The following REPS1 variants were observed in gnomAD, a reference collection of about 807,000 sequenced individuals.
REPS1 encodes the protein RALBP1 associated Eps domain containing 1.
A neutral mutation model predicts 100.9 loss-of-function variants in REPS1; 39 were observed. The ratio of observed to expected loss-of-function variants is 0.39; its 90% CI spans 0.30 to 0.50. REPS1 has a LOEUF of 0.50. Among genes scored for constraint, REPS1 ranks in the 20% least tolerant of loss-of-function variants. The pLI is 0.86. For missense variants in REPS1, 821 were observed against 968.5 expected (o/e 0.85, Z 2.02); for synonymous variants, 324 against 340.3 (o/e 0.95, Z 0.53).
chr6:138,905,532 C>T (rs1779585078), intron 19 of REPS1, among the ~76,000 whole-genome samples: 1 of 151,166 alleles, frequency 6.6e-6, no homozygotes, highest in African/African-American at 2.4e-5. Context: ...ACCTCATGAT[C>T]CACCCGCCTC....
chr6:138,959,069 C>T (rs944378103), intron 1 of REPS1, among the ~76,000 whole-genome samples: 31 of 152,158 alleles, frequency 2.0e-4, no homozygotes, highest in African/African-American at 5.8e-4. Context: ...TTTCTTCTTC[C>T]ACCATGACAT....
intron 1 of REPS1, among the ~76,000 whole-genome samples, chr6:138,976,133 T>G (rs563562489): frequency 2.6e-5 from 4 of 152,192 alleles, no homozygotes; most frequent in Non-Finnish European, 4.4e-5. Flanking sequence ...AATAAACACT[T>G]TGAAGTCAAA....
chr6:138,954,190 G>C (rs1237056913), intron 1 of REPS1, among the ~76,000 whole-genome samples: 2 of 151,940 alleles, frequency 1.3e-5, no homozygotes, highest in Non-Finnish European at 2.9e-5. Flanking sequence ...GTAGACAAAG[G>C]GAGGAATAAG....
chr6:138,980,909 C>A (rs1299082789), intron 1 of REPS1, among the ~76,000 whole-genome samples: 1 of 152,110 alleles, frequency 6.6e-6, no homozygotes, highest in African/African-American at 2.4e-5. Flanking sequence ...GATCCTTCAC[C>A]ACTGCATGTA....
In REPS1 at chr6:138,930,026, G is replaced by A. The variant is rs1356071542; in HGVS notation, c.1208C>T (p.Ser403Leu). 3.1e-6 allele frequency: 5 copies of A among 1,613,668 alleles called. No individual in the cohort carries two copies. The highest frequency in any genetic ancestry group is 3.4e-6 in the Non-Finnish European group (4 of 1,179,694). Reference protein sequence around the residue: ...PAEAPPSKSPSMPSLNQTWPE... With the variant: ...PAEAPPSKSPLMPSLNQTWPE... Reference sequence around the variant, plus strand: ...CCATGTCTGGTTTAGTGATGGCATCGATGGTGACTTGCTTGGAGGAGCTTC... The same window carrying A: ...CCATGTCTGGTTTAGTGATGGCATCAATGGTGACTTGCTTGGAGGAGCTTC... The change falls in exon 9 of 20, where the codon TCG becomes TTG. Residue 403 changes from serine (S) to leucine (L), a missense_variant. By Grantham distance (145) the Ser-to-Leu change is moderately radical (BLOSUM62 -2). This residue lies in a region of REPS1 where 757 missense variants were observed against 866.4 expected (regional missense o/e 0.87). Coordinates refer to ENST00000450536, the MANE Select transcript of REPS1 (RefSeq NM_001286611.2).
At chr6:138,939,470 G>T (rs945455355) in intron 8 of REPS1, among the ~76,000 whole-genome samples, 15 of 152,012 alleles carry the variant, frequency 9.9e-5, no homozygotes, top group African/African-American at 3.6e-4. Context: ...AATTTACAAA[G>T]AACTTGTTTT....
chr6:138,944,757 T>C, intron 4 of REPS1, 135 bp from the exon 5 acceptor site: 1 of 747,072 alleles, frequency 1.3e-6, no homozygotes, highest in African/African-American at 1.8e-5. Flanking sequence ...TTAGAAATTA[T>C]ACCTCATTTA....
chr6:138,950,829 A>G (rs1782968154), intron 1 of REPS1, among the ~76,000 whole-genome samples: 2 of 152,172 alleles, frequency 1.3e-5, no homozygotes, highest in African/African-American at 4.8e-5. Flanking sequence ...AAACTTTAAC[A>G]AGATCATTTC....
intron 4 of REPS1, 135 bp downstream of exon 4, chr6:138,945,084 T>C: frequency 1.2e-5 from 8 of 667,004 alleles, no homozygotes; most frequent in Non-Finnish European, 1.8e-5. Context: ...AAAAAATCTC[T>C]AAGCCAGGTT....
intron 1 of REPS1, among the ~76,000 whole-genome samples, chr6:138,974,283 C>T (rs749689736): frequency 1.1e-4 from 17 of 152,054 alleles, no homozygotes; most frequent in Non-Finnish European, 2.4e-4. Context: ...TCTTGAATAT[C>T]GTAAGAGCAT....
chr6:138,921,500 A>G (rs1240749753), intron 10 of REPS1, among the ~76,000 whole-genome samples: 1 of 151,954 alleles, frequency 6.6e-6, no homozygotes, highest in East Asian at 1.9e-4. Context: ...AAAAAATATA[A>G]AAACGATCTG....
chr6:138,981,984 T>C (rs762425738), intron 1 of REPS1, among the ~76,000 whole-genome samples: 1 of 152,158 alleles, frequency 6.6e-6, no homozygotes, highest in Non-Finnish European at 1.5e-5. Context: ...AGTAAATAAA[T>C]AGGACACTAC....
intron 10 of REPS1, among the ~76,000 whole-genome samples, chr6:138,921,546 G>A (rs778819897): frequency 6.7e-6 from 1 of 150,224 alleles, no homozygotes; most frequent in Non-Finnish European, 1.5e-5. Context: ...AGCTACTCGG[G>A]GATGCTTAGG....
chr6:138,911,060 C>T (rs1008179259), intron 17 of REPS1: 2 of 434,562 alleles, frequency 4.6e-6, no homozygotes, highest in Non-Finnish European at 8.2e-6. Context: ...AATGCAATAA[C>T]CACTTAAATT....
chr6:138,916,933 C>A (rs1216800471), intron 13 of REPS1, among the ~76,000 whole-genome samples: 1 of 152,206 alleles, frequency 6.6e-6, no homozygotes, highest in Non-Finnish European at 1.5e-5. Context: ...GAAAGGAAGA[C>A]AAGCAGCCTT....
intron 16 of REPS1, 34 bp from the exon 17 acceptor site, chr6:138,911,405 A>G (rs377144743): frequency 4.5e-4 from 576 of 1,291,780 alleles, no homozygotes; most frequent in Non-Finnish European, 5.8e-4. Context: ...TATTAATTCT[A>G]CATAACATGT....
chr6:138,911,098 T>C, intron 17 of REPS1, 178 bp downstream of exon 17: 4 of 533,332 alleles, frequency 7.5e-6, no homozygotes, highest in South Asian at 5.2e-5. Flanking sequence ...ATACTTAACA[T>C]AGATTACAGA....
At chr6:138,967,987 G>T (rs182829887) in intron 1 of REPS1, among the ~76,000 whole-genome samples, 208 of 152,272 alleles carry the variant, frequency 1.4e-3, no homozygotes, top group African/African-American at 4.8e-3. Context: ...CTTAACTTAC[G>T]ATGGGGTCAC....
intron 1 of REPS1, among the ~76,000 whole-genome samples, chr6:138,964,409 A>C (rs1783903544): frequency 6.6e-6 from 1 of 152,166 alleles, no homozygotes; most frequent in Admixed American, 6.5e-5. Flanking sequence ...TTGAAAAATA[A>C]GAAATATATA....
Sources: allele counts gnomAD v4.1 joint callset (sites outside exome capture counted in the v4.1 genomes callset), GRCh38; gene constraint gnomAD v4.1.1; regional missense constraint gnomAD v4.1.1; transcripts MANE v1.5; gene names NCBI Gene and HGNC (gene_info 2026-07-23, HGNC 2026-07-21).